The following LEMD1 variants were observed in gnomAD, a reference collection of about 807,000 sequenced individuals.
The protein encoded by LEMD1 is LEM domain-containing protein 1.
In LEMD1, 18 loss-of-function variants were observed where a neutral mutation model predicts 17.4. The observed-to-expected ratio is 1.04, with a 90% confidence interval of 0.72 to 1.54. LEMD1 has a LOEUF of 1.54. Ranked by LOEUF, LEMD1 falls within the 40% of genes most tolerant of loss-of-function variation. The pLI is 0.00. For synonymous variants in LEMD1, 88 were observed against 77.8 expected (o/e 1.13, Z -0.69); for missense variants, 195 against 210.4 (o/e 0.93, Z 0.45).
intron 4 of LEMD1, among the ~76,000 whole-genome samples, chr1:205,389,191 G>A (rs992935798): frequency 6.6e-6 from 1 of 151,598 alleles, no homozygotes; most frequent in African/African-American, 2.4e-5. Context: ...TGAGACTACA[G>A]GTGCATGCCA....
intron 1 of LEMD1, among the ~76,000 whole-genome samples, chr1:205,429,787 T>G (rs1208805679): frequency 4.2e-5 from 6 of 143,550 alleles, no homozygotes; most frequent in South Asian, 2.3e-4. Flanking sequence ...TGTTGGGGGG[T>G]GGGGGGAGCA....
At chr1:205,405,282 A>G (rs1665038389) in intron 4 of LEMD1, among the ~76,000 whole-genome samples, 2 of 150,252 alleles carry the variant, frequency 1.3e-5, no homozygotes, top group Non-Finnish European at 3.0e-5. Context: ...CTCCTGGATA[A>G]TATCCTGCAG....
chr1:205,384,960 A>T (rs1663918861), intron 4 of LEMD1, among the ~76,000 whole-genome samples: 1 of 151,366 alleles, frequency 6.6e-6, no homozygotes, highest in Non-Finnish European at 1.5e-5. Context: ...CTCCACCCCT[A>T]TCTAGTAAGC....
chr1:205,432,580 A>G lies in LEMD1; in HGVS notation c.-38-12006T>C, dbSNP rs73070650. On this transcript the variant is annotated intron_variant, in intron 1 of 3. Transcript: ENST00000367154. The stretch of plus-strand genomic sequence containing the variant: ...TGGAGAGGAGAGGAATTTGGGAACA[A>G]TAAGGCTTACCTGTGACAGAAGAGG... Among the ~76,000 whole-genome samples, 1,456 of 152,370 alleles carry G rather than the reference A, an allele frequency of 9.6e-3. 22 individuals are homozygous for G. Among genetic ancestry groups the G allele is most frequent in the African/African-American group, 0.033 (1,362 of 41,584 alleles).
At chr1:205,395,353 G>A (rs984619622) in intron 4 of LEMD1, among the ~76,000 whole-genome samples, 1 of 152,058 alleles carries the variant, frequency 6.6e-6, no homozygotes, top group Non-Finnish European at 1.5e-5. Context: ...CCAGCACTTT[G>A]GGAGGCTGAG....
intron 1 of LEMD1, among the ~76,000 whole-genome samples, chr1:205,443,798 G>A (rs925731732): frequency 6.6e-6 from 1 of 152,182 alleles, no homozygotes; most frequent in South Asian, 2.1e-4. Flanking sequence ...CCCCTGAAGT[G>A]GGGGGACATG....
chr1:205,397,325 C>G (rs993247766), intron 4 of LEMD1, among the ~76,000 whole-genome samples: 1 of 152,198 alleles, frequency 6.6e-6, no homozygotes, highest in Non-Finnish European at 1.5e-5. Flanking sequence ...CAATTTTCCT[C>G]TAATCCTCTA....
At chr1:205,413,383 G>C (rs182897249) in intron 4 of LEMD1, among the ~76,000 whole-genome samples, 6 of 152,074 alleles carry the variant, frequency 3.9e-5, no homozygotes, top group Admixed American at 3.9e-4. Context: ...GACATCCCAA[G>C]CCTCAAGAGA....
chr1:205,397,980 T>G (rs543203404), intron 4 of LEMD1, among the ~76,000 whole-genome samples: 1 of 152,232 alleles, frequency 6.6e-6, no homozygotes, highest in Non-Finnish European at 1.5e-5. Flanking sequence ...CTCCTGCTGC[T>G]CTTGAATTTC....
At chr1:205,405,329 T>C (rs1421951031) in intron 4 of LEMD1, among the ~76,000 whole-genome samples, 1 of 150,204 alleles carries the variant, frequency 6.7e-6, no homozygotes, top group African/African-American at 2.5e-5. Context: ...CCCCGTCACT[T>C]TCAGGTACAC....
intron 1 of LEMD1, among the ~76,000 whole-genome samples, chr1:205,446,932 C>A (rs913725): frequency 5.9e-5 from 9 of 152,090 alleles, no homozygotes; most frequent in Non-Finnish European, 8.8e-5. Context: ...CTGATCCCCC[C>A]GCTCCCCCCG....
chr1:205,420,949 GT>G (rs5780280), intron 1 of LEMD1, among the ~76,000 whole-genome samples: 18,351 of 139,582 alleles, frequency 0.13, 1,497 homozygotes, highest in African/African-American at 0.26. Flanking sequence ...GAGCTGAGAG[GT>G]TTTTTTTTTT....
At chr1:205,398,366 A>C (rs1052996600) in intron 4 of LEMD1, among the ~76,000 whole-genome samples, 1 of 152,226 alleles carries the variant, frequency 6.6e-6, no homozygotes, top group African/African-American at 2.4e-5. Flanking sequence ...ATATATTCCC[A>C]TGATACACTA....
chr1:205,423,608 T>G (rs1015056785), upstream of LEMD1, among the ~76,000 whole-genome samples: 1 of 152,246 alleles, frequency 6.6e-6, no homozygotes, highest in Non-Finnish European at 1.5e-5. Context: ...ATGTGCAAAC[T>G]ATTCTGCTTG....
At chr1:205,406,352 G>C (rs1022087190) in intron 4 of LEMD1, among the ~76,000 whole-genome samples, 1 of 152,238 alleles carries the variant, frequency 6.6e-6, no homozygotes, top group Non-Finnish European at 1.5e-5. Context: ...GCTGTGGTGG[G>C]CTCCACCCAG....
intron 1 of LEMD1, chr1:205,440,515 G>A (rs1666274113): frequency 6.6e-6 from 1 of 152,318 alleles, no homozygotes. Context: ...AGAGCAGCCA[G>A]TTTCCCATTT....
intron 3 of LEMD1, 111 bp downstream of exon 3, chr1:205,419,119 A>C: frequency 7.9e-7 from 1 of 1,266,692 alleles, no homozygotes; most frequent in Non-Finnish European, 1.1e-6. Context: ...AAGAGGCCCT[A>C]TGGCTATTTC....
intron 4 of LEMD1, among the ~76,000 whole-genome samples, chr1:205,392,457 G>A (rs555791820): frequency 1.2e-4 from 18 of 151,822 alleles, no homozygotes; most frequent in South Asian, 4.2e-4. Flanking sequence ...CAGGAGGATC[G>A]TTTGAGCCCA....
intron 1 of LEMD1, among the ~76,000 whole-genome samples, chr1:205,432,733 G>T (rs1410576668): frequency 6.6e-6 from 1 of 152,252 alleles, no homozygotes; most frequent in African/African-American, 2.4e-5. Flanking sequence ...CCTCAGCCAG[G>T]CACAGTGGCT....
Sources: allele counts gnomAD v4.1 joint callset (sites outside exome capture counted in the v4.1 genomes callset), GRCh38; gene constraint gnomAD v4.1.1; transcripts MANE v1.5; gene names NCBI Gene and HGNC (gene_info 2026-07-23, HGNC 2026-07-21).